The following DCLRE1C variants were observed in gnomAD, a reference collection of about 807,000 sequenced individuals.
The protein encoded by DCLRE1C is protein artemis.
DCLRE1C carries 47 observed loss-of-function variants against 61.4 expected under a neutral mutation model. The observed-to-expected ratio is 0.77, with a 90% CI of 0.61 to 0.98. The LOEUF (loss-of-function observed/expected upper bound fraction) is 0.98. Among genes scored for constraint, DCLRE1C ranks in the 50% least tolerant of loss-of-function variants. The pLI is 0.00. For missense variants in DCLRE1C, 858 were observed against 816.0 expected, an observed-to-expected ratio of 1.05 and a Z score of -0.63; for synonymous variants, 337 against 287.6, an observed-to-expected ratio of 1.17 and a Z score of -1.74.
At chr10:14,913,667 A>AAAAT (rs1473033205) in intron 13 of DCLRE1C, among the ~76,000 whole-genome samples, 1 of 152,264 alleles carries the variant, frequency 6.6e-6, no homozygotes, top group Non-Finnish European at 1.5e-5. Context: ...AGCAAAAATT[A>AAAAT]AAATACAAAA....
Position 14,940,586 on chromosome 10 carries a change from C to A in DCLRE1C, c.247-717G>T, listed in dbSNP as rs544960339. On this transcript the variant is annotated intron_variant, in intron 3 of 13. Transcript: ENST00000378278. ...TACAGGCGTGAGCCACCACACCCAGCCTCATGCACTGGTTCTAAGTGCTGC... is the reference window on the plus strand; with the variant it reads ...TACAGGCGTGAGCCACCACACCCAGACTCATGCACTGGTTCTAAGTGCTGC... Among the ~76,000 whole-genome samples, 8 of 152,222 alleles carry A rather than the reference C, an allele frequency of 5.3e-5. No individual in the cohort carries two copies. The South Asian group carries it at 1.5e-3, about 28-fold the overall frequency.
chr10:14,898,202 CTTTTTTTTTTTTTTTT>C (rs919860514), exon 14 of DCLRE1C: 1 of 56,156 alleles, frequency 1.8e-5, no homozygotes, highest in African/African-American at 7.1e-5. Flanking sequence ...AGTACTGTTT[CTTTTTTTTTTTTTTTT>C]TTTTTTTTTT....
intron 9 of DCLRE1C, among the ~76,000 whole-genome samples, chr10:14,929,348 G>C (rs1478708773): frequency 2.0e-5 from 3 of 151,898 alleles, no homozygotes; most frequent in Non-Finnish European, 4.4e-5. Flanking sequence ...AGATTGCAGT[G>C]AGCCCAGATT....
At chr10:14,941,745 T>C (rs1840895472) in intron 3 of DCLRE1C, among the ~76,000 whole-genome samples, 1 of 152,146 alleles carries the variant, frequency 6.6e-6, no homozygotes, top group Non-Finnish European at 1.5e-5. Flanking sequence ...TGTGACACAG[T>C]ACATGGTTAG....
In DCLRE1C at chr10:14,923,002, G is replaced by C. The variant is rs553179231; in HGVS notation, c.1040C>G (p.Thr347Ser). The C allele has an allele frequency of 6.2e-7, 1 of 1,614,082 alleles. No homozygotes were observed. The highest frequency in any genetic ancestry group is 8.5e-7 in the Non-Finnish European group (1 of 1,179,902). ...TCACATTTCGACAACTTTATCCATAGTTGTGCCAACTGGAATGACATTTGG... is the reference window on the plus strand; with the variant it reads ...TCACATTTCGACAACTTTATCCATACTTGTGCCAACTGGAATGACATTTGG... ...AYPNVIPVGT[T>S]MDKVVEILKP... is the part of the protein sequence containing the mutation. The change falls in exon 12 of 14, where the codon ACT (threonine) becomes AGT (serine). Residue 347 changes from threonine to serine, a missense_variant. Transcript: ENST00000378278.
At chr10:14,948,459 T>C (rs570857533) in intron 2 of DCLRE1C, among the ~76,000 whole-genome samples, 2 of 152,308 alleles carry the variant, frequency 1.3e-5, no homozygotes, top group African/African-American at 2.4e-5. Context: ...TCCTTTACAA[T>C]GGAACAGCCA....
downstream of DCLRE1C, chr10:14,901,237 G>A: frequency 6.2e-7 from 1 of 1,613,962 alleles, no homozygotes. Context: ...CTGGAGAAGA[G>A]CTGACTTTTG....
In DCLRE1C at chr10:14,908,475, T is replaced by TATAA; in HGVS notation, c.2008_2011dup (p.Tyr671PhefsTer3). On this transcript the variant is annotated frameshift_variant, in exon 14 of 14. Coordinates refer to ENST00000378278, the MANE Select transcript of DCLRE1C (RefSeq NM_001033855.3). LOFTEE classifies it high-confidence loss of function. ...ACTCTCACCAGTTGCCAGCTTCTCA[T>TATAA]ATAAATATTGTAAATGCTCTCGTTT... 1 of 1,614,046 alleles carries TATAA rather than the reference T, an allele frequency of 6.2e-7. No homozygotes were observed. Among genetic ancestry groups the TATAA allele is most frequent in the Middle Eastern group, 1.6e-4 (1 of 6,062 alleles).
chr10:14,936,351 A>G (rs1010766700), intron 5 of DCLRE1C, among the ~76,000 whole-genome samples, 187 bp downstream of exon 5: 1 of 149,438 alleles, frequency 6.7e-6, no homozygotes, highest in Non-Finnish European at 1.5e-5. Flanking sequence ...TTTAAAAAAA[A>G]AACTCACTGC....
At chr10:14,923,412 A>G (rs746979092) in intron 11 of DCLRE1C, 14 of 285,376 alleles carry the variant, frequency 4.9e-5, no homozygotes, top group South Asian at 2.5e-4. Flanking sequence ...TTCCTTGTCC[A>G]AGAAGGTCAG....
intron 13 of DCLRE1C, among the ~76,000 whole-genome samples, chr10:14,911,605 A>G (rs756508501): frequency 1.3e-5 from 2 of 152,234 alleles, no homozygotes. Flanking sequence ...AGCATATGCA[A>G]TAAAAGAAAA....
intron 13 of DCLRE1C, among the ~76,000 whole-genome samples, chr10:14,919,313 A>G (rs890791077): frequency 1.3e-5 from 2 of 152,158 alleles, no homozygotes; most frequent in African/African-American, 2.4e-5. Context: ...TATAAACACT[A>G]CTGATCAACT....
chr10:14,919,910 T>C (rs1370435669), intron 12 of DCLRE1C, 78 bp from the exon 13 acceptor site: 3 of 1,206,494 alleles, frequency 2.5e-6, no homozygotes, highest in Non-Finnish European at 3.7e-6. Context: ...GTATTACAAA[T>C]TTTTTTGATT....
intron 12 of DCLRE1C, among the ~76,000 whole-genome samples, chr10:14,921,903 A>C (rs1232063735): frequency 1.3e-5 from 2 of 151,566 alleles, no homozygotes; most frequent in East Asian, 3.9e-4. Flanking sequence ...TCCAACCCAG[A>C]CCTCTCTCCA....
intron 5 of DCLRE1C, among the ~76,000 whole-genome samples, 193 bp downstream of exon 5, chr10:14,936,343 TAA>T (rs1167067292): frequency 2.8e-4 from 40 of 143,412 alleles, no homozygotes; most frequent in Non-Finnish European, 2.1e-4. Context: ...TTTTTTTTTT[TAA>T]AAAAAAAACT....
intron 3 of DCLRE1C, among the ~76,000 whole-genome samples, chr10:14,940,734 T>TA (rs1589112076): frequency 3.9e-5 from 6 of 152,264 alleles, no homozygotes; most frequent in Admixed American, 3.9e-4. Flanking sequence ...ACTAATGTCC[T>TA]AAAACTTACA....
At chr10:14,938,987 A>AC (rs1840432072) in intron 4 of DCLRE1C, among the ~76,000 whole-genome samples, 1 of 152,034 alleles carries the variant, frequency 6.6e-6, no homozygotes, top group Non-Finnish European at 1.5e-5. Flanking sequence ...TGAAATCCTA[A>AC]CCCCCAAAGT....
chr10:14,942,526 G>A (rs1345436951), intron 3 of DCLRE1C: 1 of 152,146 alleles, frequency 6.6e-6, no homozygotes, highest in African/African-American at 2.4e-5. Flanking sequence ...CACACACTAT[G>A]TGTGCATACT....
At chr10:14,909,456 G>T (rs1834880504) in intron 13 of DCLRE1C, 126 bp from the exon 14 acceptor site, 1 of 809,506 alleles carries the variant, frequency 1.2e-6, no homozygotes, top group South Asian at 1.8e-5. Flanking sequence ...AAAGGGAAAA[G>T]ATATTCTTGG....
Sources: gnomAD v4.1 joint callset for allele counts (sites outside exome capture counted in the v4.1 genomes callset) on GRCh38, gnomAD v4.1.1 for gene constraint, MANE v1.5 for transcripts, NCBI Gene and HGNC (gene_info 2026-07-23, HGNC 2026-07-21) for gene names.